GTF2B: variants seen among roughly 807,000 people sequenced by gnomAD.
GTF2B encodes the protein general transcription factor IIB, also known as transcription initiation factor IIB.
A neutral mutation model predicts 34.6 loss-of-function variants in GTF2B; 20 were observed. The ratio of observed to expected loss-of-function variants is 0.58; its 90% CI spans 0.41 to 0.84. The LOEUF is 0.84. Ranked by LOEUF, GTF2B falls within the 40% of genes least tolerant of loss-of-function variation. GTF2B has a pLI of 0.00. For missense variants in GTF2B, 237 were observed against 393.3 expected, an observed-to-expected ratio of 0.60 and a Z score of 3.36; for synonymous variants, 142 against 132.4, an observed-to-expected ratio of 1.07 and a Z score of -0.50.
At chr1:88,855,331 T>G (rs1673277168) in intron 6 of GTF2B, among the ~76,000 whole-genome samples, 1 of 151,966 alleles carries the variant, frequency 6.6e-6, no homozygotes, top group South Asian at 2.1e-4. Context: ...ACAAAGTTAT[T>G]GAGGCCAGTA....
intron 2 of GTF2B, among the ~76,000 whole-genome samples, chr1:88,884,670 G>A (rs780966507): frequency 2.4e-4 from 36 of 152,260 alleles, no homozygotes; most frequent in Admixed American, 7.2e-4. Flanking sequence ...ATTCTGTTGT[G>A]TTAAGATATT....
rs77974149 is a variant in GTF2B at position 88,853,156 on chromosome 1, G to C, written c.*57C>G. 1,269 of 1,514,480 alleles carry C rather than the reference G, an allele frequency of 8.4e-4. 7 individuals carry two copies. In the African/African-American group the frequency reaches 0.015, roughly 18 times the overall value. 93.8% of individuals were successfully genotyped at this position (1,514,480 alleles called of 1,614,324 possible). On this transcript the variant is annotated 3_prime_UTR_variant, in exon 7 of 7. Coordinates refer to ENST00000370500, the MANE Select transcript of GTF2B (RefSeq NM_001514.6). ...AAGGCTCAACCCAGCATTTTGTATA[G>C]GCTATGTACAACAGGCAAAGTTTTG...
chr1:88,863,267 T>A (rs191330038), intron 3 of GTF2B, among the ~76,000 whole-genome samples: 2 of 152,314 alleles, frequency 1.3e-5, no homozygotes, highest in Non-Finnish European at 2.9e-5. Flanking sequence ...AGGTAAGTCA[T>A]AAATTCACTA....
intron 2 of GTF2B, among the ~76,000 whole-genome samples, chr1:88,882,310 C>CAAAAAAAAAAAA (rs59699371): frequency 5.3e-4 from 19 of 36,016 alleles, no homozygotes; most frequent in Admixed American, 1.2e-3. Context: ...ACTCTCACTC[C>CAAAAAAAAAAAA]AAAAAAAAAA....
At chr1:88,866,350 A>T (rs1000065667) in intron 2 of GTF2B, among the ~76,000 whole-genome samples, 3 of 152,138 alleles carry the variant, frequency 2.0e-5, no homozygotes, top group African/African-American at 7.2e-5. Flanking sequence ...ACCCTGTCTA[A>T]AGTAAGCAAA....
intron 2 of GTF2B, among the ~76,000 whole-genome samples, chr1:88,868,981 C>T (rs1483914587): frequency 1.3e-5 from 2 of 152,072 alleles, no homozygotes; most frequent in Admixed American, 6.6e-5. Flanking sequence ...CCTCGTGATC[C>T]GCCCACCTCT....
intron 2 of GTF2B, among the ~76,000 whole-genome samples, chr1:88,874,810 T>C (rs186232672): frequency 6.6e-6 from 1 of 152,278 alleles, no homozygotes; most frequent in East Asian, 1.9e-4. Flanking sequence ...CACAGGCTCA[T>C]TTAGTTTACA....
Position 88,863,941 on chromosome 1 carries a change from C to A in GTF2B, c.258+40G>T, listed in dbSNP as rs775030384. The A allele has an allele frequency of 6.9e-6, 11 of 1,594,558 alleles. No homozygotes were observed. In the Admixed American group the frequency reaches 1.5e-4, roughly 22 times the overall value. ...GTTCCCAAACTCTCAGGTCTATGGTCACTCTGCAATTGGTATTTCCTGCCA... is the reference window on the plus strand; with the variant it reads ...GTTCCCAAACTCTCAGGTCTATGGTAACTCTGCAATTGGTATTTCCTGCCA... On this transcript the variant is annotated intron_variant, in intron 3 of 6. Coordinates refer to ENST00000370500, the MANE Select transcript of GTF2B (RefSeq NM_001514.6).
chr1:88,858,661 CAT>C (rs1230846740), intron 5 of GTF2B: 1 of 152,086 alleles, frequency 6.6e-6, no homozygotes, highest in African/African-American at 2.4e-5. Flanking sequence ...CGTAAGAAAA[CAT>C]AAAAAATAAA....
intron 5 of GTF2B, among the ~76,000 whole-genome samples, chr1:88,859,673 T>G (rs1673392230): frequency 6.6e-6 from 1 of 152,078 alleles, no homozygotes; most frequent in South Asian, 2.1e-4. Flanking sequence ...CTGTCTCTAC[T>G]AAAAATACAA....
At position 88,856,985 on chromosome 1, in the gene GTF2B, G is replaced by A. The variant is rs1673327738; in HGVS notation, c.817+221C>T. On this transcript the variant is annotated intron_variant, in intron 6 of 6. Transcript: ENST00000370500. The stretch of plus-strand genomic sequence containing the variant: ...CCAGCTAATTTTTGTATTTTTAGTA[G>A]AGATGGGGTTTCACCATGTTGATCA... Among the ~76,000 whole-genome samples the A allele has an allele frequency of 4.6e-5, 7 of 152,186 alleles. 1 individual carries two copies. In the South Asian group the frequency reaches 1.5e-3, roughly 32 times the overall value.
chr1:88,855,469 T>C (rs932188258), intron 6 of GTF2B, among the ~76,000 whole-genome samples: 1 of 151,656 alleles, frequency 6.6e-6, no homozygotes. Flanking sequence ...TCTTGTCTCT[T>C]AGCCTCCCGA....
chr1:88,887,590 GAAGGCTTTCAAAACATAAATAGAAAA>G (rs1181861319), intron 1 of GTF2B: 9 of 454,172 alleles, frequency 2.0e-5, no homozygotes, highest in Non-Finnish European at 3.2e-5. Flanking sequence ...TTTTATTGTG[GAAGGCTTTCAAAACATAAATAGAAAA>G]TAATTGTTTC....
chr1:88,872,183 G>A (rs1557657660), intron 2 of GTF2B, among the ~76,000 whole-genome samples: 1 of 152,002 alleles, frequency 6.6e-6, no homozygotes, highest in Non-Finnish European at 1.5e-5. Context: ...GCCGGGTGCG[G>A]TGGCTCACGC....
Position 88,891,537 on chromosome 1 carries a change from A to G in GTF2B, c.-38T>C, listed in dbSNP as rs773136632. On this transcript the variant is annotated 5_prime_UTR_variant, in exon 1 of 7. Transcript: ENST00000370500. ...TGCGGTGCCCGCAACAAGACACAAC[A>G]GACACACCGAAAGCAGGAAGCGAAT... 1 of 1,587,072 alleles carries G rather than the reference A, an allele frequency of 6.3e-7. No individual in the cohort carries two copies. The highest frequency in any genetic ancestry group is 8.6e-7 in the Non-Finnish European group (1 of 1,162,402).
intron 2 of GTF2B, among the ~76,000 whole-genome samples, chr1:88,874,700 T>C (rs1010562210): frequency 4.6e-5 from 7 of 152,016 alleles, no homozygotes; most frequent in Non-Finnish European, 1.0e-4. Context: ...CAATTCTTTC[T>C]GCTGTCTTCC....
At chr1:88,888,288 A>T (rs1409412008) in intron 1 of GTF2B, among the ~76,000 whole-genome samples, 2 of 152,220 alleles carry the variant, frequency 1.3e-5, no homozygotes, top group African/African-American at 4.8e-5. Flanking sequence ...TAGCAAATAC[A>T]ATTCAGAATG....
chr1:88,864,192 G>C, intron 2 of GTF2B, 78 bp from the exon 3 acceptor site: 1 of 1,314,716 alleles, frequency 7.6e-7, no homozygotes, highest in Non-Finnish European at 1.1e-6. Flanking sequence ...GCCCAACTAA[G>C]CCATTTTATT....
intron 3 of GTF2B, among the ~76,000 whole-genome samples, chr1:88,862,721 C>T (rs911498278): frequency 3.3e-5 from 5 of 152,118 alleles, no homozygotes; most frequent in East Asian, 1.9e-4. Flanking sequence ...TCACTGCAAC[C>T]TCCGCCTCCC....
Sources: gnomAD v4.1 joint callset for allele counts (sites outside exome capture counted in the v4.1 genomes callset) on GRCh38, gnomAD v4.1.1 for gene constraint, MANE v1.5 for transcripts, NCBI Gene and HGNC (gene_info 2026-07-23, HGNC 2026-07-21) for gene names.